Variants in PTPRT observed in about 807,000 individuals in gnomAD.
PTPRT encodes the protein receptor-type tyrosine-protein phosphatase T.
PTPRT carries 56 observed loss-of-function variants against 176.8 expected under a neutral mutation model. The ratio of observed to expected loss-of-function variants is 0.32; its 90% CI spans 0.26 to 0.40. PTPRT has a LOEUF of 0.40. Ranked by LOEUF, PTPRT falls within the 10% of genes least tolerant of loss-of-function variation. PTPRT has a pLI of 1.00. For synonymous variants in PTPRT, 783 were observed against 739.0 expected (o/e 1.06, Z -0.96); for missense variants, 1,540 against 1,908.2 (o/e 0.81, Z 3.60).
At chr20:42,523,523 G>GT (rs1362617664) in intron 7 of PTPRT, among the ~76,000 whole-genome samples, 1 of 152,066 alleles carries the variant, frequency 6.6e-6, no homozygotes, top group African/African-American at 2.4e-5. Context: ...TTGTTTTGCT[G>GT]TTTCAGTTTG....
At chr20:42,592,701 T>A (rs1431404723) in intron 7 of PTPRT, among the ~76,000 whole-genome samples, 1 of 152,170 alleles carries the variant, frequency 6.6e-6, no homozygotes, top group East Asian at 1.9e-4. Context: ...AGTTTACTAT[T>A]TGTGTAGACC....
At chr20:42,307,524 G>A (rs1006640625) in intron 12 of PTPRT, among the ~76,000 whole-genome samples, 3 of 152,042 alleles carry the variant, frequency 2.0e-5, no homozygotes, top group Non-Finnish European at 2.9e-5. Flanking sequence ...ATCTTAACTC[G>A]AACCCTCTAG....
chr20:42,959,103 A>C (rs1185659300), intron 1 of PTPRT, among the ~76,000 whole-genome samples: 2 of 152,184 alleles, frequency 1.3e-5, no homozygotes, highest in African/African-American at 4.8e-5. Flanking sequence ...CTAATGGTTA[A>C]AAGTAACCCA....
chr20:43,062,159 A>T (rs1987489397), intron 1 of PTPRT, among the ~76,000 whole-genome samples: 1 of 152,234 alleles, frequency 6.6e-6, no homozygotes, highest in Non-Finnish European at 1.5e-5. Context: ...TGCCTTGATC[A>T]GGGTGGTGAT....
chr20:42,375,265 GAC>G (rs1384197399), intron 9 of PTPRT, among the ~76,000 whole-genome samples: 1 of 152,174 alleles, frequency 6.6e-6, no homozygotes, highest in Non-Finnish European at 1.5e-5. Flanking sequence ...GGAAGAGTGA[GAC>G]ACAGTCTCTG....
chr20:42,415,575 T>C (rs574777642), intron 9 of PTPRT, among the ~76,000 whole-genome samples: 146 of 152,284 alleles, frequency 9.6e-4, no homozygotes, highest in African/African-American at 3.2e-3. Context: ...AATAGTATTA[T>C]AATAATAGTA....
intron 8 of PTPRT, among the ~76,000 whole-genome samples, chr20:42,469,429 T>A (rs2071156054): frequency 6.6e-6 from 1 of 152,126 alleles, no homozygotes; most frequent in South Asian, 2.1e-4. Flanking sequence ...GGTCTCAATC[T>A]CCTGACCTCA....
intron 13 of PTPRT, among the ~76,000 whole-genome samples, chr20:42,263,371 CTTTTTTT>C (rs11477690): frequency 3.9e-5 from 2 of 50,958 alleles, no homozygotes; most frequent in African/African-American, 2.2e-4. Context: ...CCATGCCTGG[CTTTTTTT>C]TTTTTTTTTT....
chr20:42,584,455 C>G (rs529820887), intron 7 of PTPRT, among the ~76,000 whole-genome samples: 1 of 152,200 alleles, frequency 6.6e-6, no homozygotes. Context: ...GATGTCAGCA[C>G]GGCATGGTCC....
chr20:42,840,945 G>A (rs766435214), intron 2 of PTPRT, among the ~76,000 whole-genome samples: 13 of 152,066 alleles, frequency 8.5e-5, no homozygotes, highest in South Asian at 2.1e-4. Flanking sequence ...GGAGTCCTTC[G>A]TGCTACTTGA....
At chr20:42,843,732 G>T (rs1004644973) in intron 2 of PTPRT, among the ~76,000 whole-genome samples, 1 of 152,204 alleles carries the variant, frequency 6.6e-6, no homozygotes, top group Non-Finnish European at 1.5e-5. Context: ...AGCATGGAGG[G>T]CTTCCAAATT....
At chr20:42,278,123 A>ATATG (rs2057077929) in intron 13 of PTPRT, among the ~76,000 whole-genome samples, 1 of 83,554 alleles carries the variant, frequency 1.2e-5, no homozygotes, top group African/African-American at 5.1e-5. Context: ...ATATATATAT[A>ATATG]TATATATATA....
intron 15 of PTPRT, among the ~76,000 whole-genome samples, chr20:42,217,988 A>C (rs947772736): frequency 6.6e-6 from 1 of 152,238 alleles, no homozygotes; most frequent in Non-Finnish European, 1.5e-5. Flanking sequence ...TAAACTCGTA[A>C]AACAGGTAAA....
intron 5 of PTPRT, among the ~76,000 whole-genome samples, chr20:42,766,872 G>T (rs1337886660): frequency 6.6e-6 from 1 of 152,226 alleles, no homozygotes; most frequent in Non-Finnish European, 1.5e-5. Context: ...ACAGCAGGAA[G>T]TAGCACTGCT....
At chr20:42,625,998 C>G (rs1287854502) in intron 7 of PTPRT, among the ~76,000 whole-genome samples, 1 of 151,640 alleles carries the variant, frequency 6.6e-6, no homozygotes, top group Non-Finnish European at 1.5e-5. Flanking sequence ...GCAATCCATC[C>G]AAAACCAGAA....
intron 1 of PTPRT, among the ~76,000 whole-genome samples, chr20:43,043,904 C>T (rs1986732794): frequency 6.6e-6 from 1 of 152,112 alleles, no homozygotes; most frequent in South Asian, 2.1e-4. Context: ...TTCTCAGATT[C>T]AGCGCTTCTT....
At chr20:42,363,512 G>A (rs922912922) in intron 9 of PTPRT, among the ~76,000 whole-genome samples, 2 of 151,070 alleles carry the variant, frequency 1.3e-5, no homozygotes, top group East Asian at 2.0e-4. Flanking sequence ...GTTTCTCCAT[G>A]TTGGTCAGGC....
intron 11 of PTPRT, 57 bp from the exon 12 acceptor site, chr20:42,316,053 G>A: frequency 1.3e-6 from 2 of 1,578,778 alleles, no homozygotes; most frequent in Non-Finnish European, 1.7e-6. Context: ...GAATGAGCTT[G>A]TTAGCTCTAA....
At chr20:42,609,033 C>G (rs1397187472) in intron 7 of PTPRT, among the ~76,000 whole-genome samples, 1 of 152,060 alleles carries the variant, frequency 6.6e-6, no homozygotes, top group East Asian at 1.9e-4. Flanking sequence ...GACACCCACC[C>G]CGTCTCTATG....
Sources: gnomAD v4.1 joint callset for allele counts (sites outside exome capture counted in the v4.1 genomes callset) on GRCh38, gnomAD v4.1.1 for gene constraint, MANE v1.5 for transcripts, NCBI Gene and HGNC (gene_info 2026-07-23, HGNC 2026-07-21) for gene names.